HTR2C: variants seen among roughly 807,000 people sequenced by gnomAD.
HTR2C encodes 5-hydroxytryptamine (serotonin) receptor 2C, G protein-coupled.
HTR2C carries 5 observed loss-of-function variants against 21.0 expected under a neutral mutation model. The ratio of observed to expected loss-of-function variants is 0.24; its 90% CI spans 0.12 to 0.50. The LOEUF is 0.50. HTR2C is among the 20% of genes least tolerant of loss of function. The probability of loss-of-function intolerance (pLI) is 0.98; values close to 1 mark genes in which losing one functional copy is unlikely to be tolerated. For missense variants in HTR2C, 271 were observed against 371.2 expected (o/e 0.73, Z 2.22); for synonymous variants, 150 against 145.3 (o/e 1.03, Z -0.23).
intron 2 of HTR2C, chrX:114,631,010 G>A (rs1929594431): frequency 4.2e-6 from 1 of 235,809 alleles, no homozygotes; most frequent in Non-Finnish European, 8.6e-6. Context: ...TACTAGAAAA[G>A]CGTGACTATG....
chrX:114,744,636 T>C (rs1355489209), intron 4 of HTR2C, among the ~76,000 whole-genome samples: 5 of 109,784 alleles, frequency 4.6e-5, no homozygotes, highest in African/African-American at 1.7e-4. Context: ...GTATTTTTAG[T>C]AGAGACGGAG....
chrX:114,611,800 T>C (rs988174570), intron 1 of HTR2C, among the ~76,000 whole-genome samples: 5 of 111,551 alleles, frequency 4.5e-5, no homozygotes, highest in South Asian at 3.8e-4. Flanking sequence ...CGGGTTCACG[T>C]CATTCTCCTG....
chrX:114,881,455 G>A (rs1445327188), intron 5 of HTR2C, among the ~76,000 whole-genome samples: 1 of 108,427 alleles, frequency 9.2e-6, no homozygotes, highest in African/African-American at 3.3e-5. Context: ...TCTAAAAGTT[G>A]TACAGTCTTA....
At chrX:114,870,380 C>T (rs782471467) in intron 5 of HTR2C, among the ~76,000 whole-genome samples, 1 of 111,077 alleles carries the variant, frequency 9.0e-6, no homozygotes, top group African/African-American at 3.3e-5. Context: ...CCGCGCCCAG[C>T]CAGTTTTATT....
At chrX:114,601,613 T>C (rs1016477224) in intron 1 of HTR2C, among the ~76,000 whole-genome samples, 21 of 109,105 alleles carry the variant, frequency 1.9e-4, no homozygotes, top group East Asian at 3.0e-4. Flanking sequence ...TAAGGTGGGG[T>C]AGGGCATTTT....
At chrX:114,725,758 T>A (rs1486784108) in intron 2 of HTR2C, among the ~76,000 whole-genome samples, 2 of 109,597 alleles carry the variant, frequency 1.8e-5, no homozygotes, top group African/African-American at 6.7e-5. Context: ...CTGCAGGTCT[T>A]TTGGAGTACC....
intron 4 of HTR2C, among the ~76,000 whole-genome samples, chrX:114,818,613 C>G (rs2070605595): frequency 1.8e-5 from 2 of 111,770 alleles, no homozygotes. Context: ...CACCACATCT[C>G]AGCTTCACCC....
chrX:114,612,945 A>AT (rs782524117), intron 1 of HTR2C, among the ~76,000 whole-genome samples: 47 of 105,228 alleles, frequency 4.5e-4, no homozygotes, highest in African/African-American at 1.1e-3. Context: ...ATTTTATTTT[A>AT]TTTTTTTTTT....
chrX:114,813,494 G>A, intron 4 of HTR2C, among the ~76,000 whole-genome samples: 1 of 112,128 alleles, frequency 8.9e-6, no homozygotes, highest in Non-Finnish European at 1.9e-5. Flanking sequence ...TGTAACCCAG[G>A]CGAAGATTTT....
At chrX:114,643,792 T>C (rs1301502732) in intron 2 of HTR2C, among the ~76,000 whole-genome samples, 3 of 111,720 alleles carry the variant, frequency 2.7e-5, no homozygotes, top group Admixed American at 9.5e-5. Flanking sequence ...TTTAGTCTTG[T>C]AGAGAAAAAA....
At chrX:114,684,569 C>T (rs1438995996) in intron 2 of HTR2C, among the ~76,000 whole-genome samples, 1 of 111,321 alleles carries the variant, frequency 9.0e-6, no homozygotes, top group East Asian at 2.8e-4. Flanking sequence ...TACCCTGGTT[C>T]TCTTGACTAT....
intron 2 of HTR2C, among the ~76,000 whole-genome samples, chrX:114,687,678 T>G (rs1931961709): frequency 8.9e-6 from 1 of 111,928 alleles, no homozygotes; most frequent in South Asian, 3.7e-4. Flanking sequence ...TTAAAAATAT[T>G]ACTGTTTTTT....
intron 1 of HTR2C, among the ~76,000 whole-genome samples, chrX:114,612,506 G>C (rs1769391537): frequency 8.9e-6 from 1 of 111,915 alleles, no homozygotes; most frequent in Non-Finnish European, 1.9e-5. Flanking sequence ...TTGCATTCCA[G>C]AATAAATATT....
chrX:114,866,988 T>C (rs1212388806), intron 5 of HTR2C, among the ~76,000 whole-genome samples: 1 of 112,115 alleles, frequency 8.9e-6, no homozygotes, highest in Non-Finnish European at 1.9e-5. Flanking sequence ...CTCTTTGATA[T>C]ATTGATTTCC....
intron 4 of HTR2C, among the ~76,000 whole-genome samples, chrX:114,734,874 A>G (rs1254389261): frequency 1.8e-5 from 2 of 111,598 alleles, no homozygotes; most frequent in African/African-American, 3.3e-5. Context: ...AGATGCCATA[A>G]ATTTAAAAAT....
At chrX:114,821,117 G>A (rs1556456104) in intron 4 of HTR2C, among the ~76,000 whole-genome samples, 1 of 111,158 alleles carries the variant, frequency 9.0e-6, no homozygotes, top group Admixed American at 9.7e-5. Context: ...GATCCTGGGG[G>A]CATCCATAGT....
At chrX:114,612,014 T>C (rs1260232757) in intron 1 of HTR2C, among the ~76,000 whole-genome samples, 1 of 110,499 alleles carries the variant, frequency 9.0e-6, no homozygotes, top group Non-Finnish European at 1.9e-5. Context: ...TTAATCCAAG[T>C]TATTTTTCAC....
chrX:114,734,665 T>A (rs1475820544), intron 4 of HTR2C, among the ~76,000 whole-genome samples: 1 of 104,521 alleles, frequency 9.6e-6, no homozygotes, highest in Non-Finnish European at 1.9e-5. Flanking sequence ...GAAAGACAAA[T>A]CTATACAGAC....
At chrX:114,747,488 G>T (rs1196511368) in intron 4 of HTR2C, among the ~76,000 whole-genome samples, 2 of 112,122 alleles carry the variant, frequency 1.8e-5, no homozygotes, top group African/African-American at 6.5e-5. Flanking sequence ...AATCCCAAGG[G>T]ATCTACAAAG....
Sources: gnomAD v4.1 joint callset for allele counts (sites outside exome capture counted in the v4.1 genomes callset) on GRCh38, gnomAD v4.1.1 for gene constraint, MANE v1.5 for transcripts, NCBI Gene and HGNC (gene_info 2026-07-23, HGNC 2026-07-21) for gene names.